The following PTCSC3 variants were observed in gnomAD, a reference collection of about 807,000 sequenced individuals.
PTCSC3 encodes papillary thyroid carcinoma susceptibility candidate 3 (non-protein coding).
chr14:36,160,144 G>A (rs779869915), intron 2 of PTCSC3, among the ~76,000 whole-genome samples: 1 of 152,118 alleles, frequency 6.6e-6, no homozygotes, highest in South Asian at 2.1e-4. Context: ...TGAGTCTCCT[G>A]AATACAGCAC....
At chr14:36,154,992 CA>C (rs1338741267) in intron 2 of PTCSC3, among the ~76,000 whole-genome samples, 1 of 152,118 alleles carries the variant, frequency 6.6e-6, no homozygotes, top group East Asian at 1.9e-4. Context: ...AATGAGAAAA[CA>C]GTGCCCTGAT....
chr14:36,148,728 G>A (rs1193053127), intron 3 of PTCSC3, among the ~76,000 whole-genome samples: 1 of 152,048 alleles, frequency 6.6e-6, no homozygotes, highest in Non-Finnish European at 1.5e-5. Flanking sequence ...CTATTCAGAT[G>A]GTCTATTTCT....
At chr14:36,170,093 C>A (rs561264007) in intron 1 of PTCSC3, among the ~76,000 whole-genome samples, 1 of 152,116 alleles carries the variant, frequency 6.6e-6, no homozygotes, top group African/African-American at 2.4e-5. Flanking sequence ...TTTTCTGATG[C>A]TGGGAGAGGG....
At chr14:36,141,580 T>C (rs1229256571) in intron 3 of PTCSC3, among the ~76,000 whole-genome samples, 2 of 152,118 alleles carry the variant, frequency 1.3e-5, no homozygotes, top group African/African-American at 4.8e-5. Context: ...CTCGAACTCC[T>C]AACATCAGGT....
intron 3 of PTCSC3, among the ~76,000 whole-genome samples, chr14:36,140,104 C>T (rs1031295869): frequency 4.6e-5 from 7 of 152,220 alleles, no homozygotes; most frequent in Admixed American, 3.9e-4. Context: ...ACTTTTCAGA[C>T]TGGAATCTTT....
At chr14:36,153,369 A>G (rs893169206) in intron 3 of PTCSC3, among the ~76,000 whole-genome samples, 2 of 152,242 alleles carry the variant, frequency 1.3e-5, no homozygotes, top group African/African-American at 2.4e-5. Context: ...CTATGAAAAC[A>G]TTAGCCGTGA....
chr14:36,136,588 A>G (rs1177841716), intron 3 of PTCSC3, among the ~76,000 whole-genome samples: 3 of 152,164 alleles, frequency 2.0e-5, no homozygotes, highest in African/African-American at 7.2e-5. Flanking sequence ...GAATGGAAGT[A>G]TGAGGAAGGG....
intron 3 of PTCSC3, among the ~76,000 whole-genome samples, chr14:36,153,352 A>C (rs1301770404): frequency 1.3e-5 from 2 of 152,226 alleles, no homozygotes. Flanking sequence ...CCAAATAGCC[A>C]TTGAGCCTAT....
At chr14:36,141,129 G>A (rs1230208627) in intron 3 of PTCSC3, among the ~76,000 whole-genome samples, 5 of 152,096 alleles carry the variant, frequency 3.3e-5, no homozygotes, top group Admixed American at 2.6e-4. Context: ...ACATCATCTT[G>A]ATAATTGTAG....
chr14:36,160,244 T>A (rs2139105414), intron 2 of PTCSC3, among the ~76,000 whole-genome samples: 1 of 152,340 alleles, frequency 6.6e-6, no homozygotes, highest in Middle Eastern at 3.4e-3. Context: ...TTAATATTGT[T>A]ATGTGTGAAT....
At chr14:36,176,074 A>T (rs143873233) in intron 1 of PTCSC3, among the ~76,000 whole-genome samples, 14 of 152,328 alleles carry the variant, frequency 9.2e-5, no homozygotes, top group African/African-American at 3.4e-4. Flanking sequence ...AGAAAACGAT[A>T]CAAATACATA....
intron 3 of PTCSC3, among the ~76,000 whole-genome samples, chr14:36,141,664 T>C (rs1881425177): frequency 6.6e-6 from 1 of 152,014 alleles, no homozygotes; most frequent in African/African-American, 2.4e-5. Flanking sequence ...GAGTTATATA[T>C]TTTATCTATA....
chr14:36,143,041 T>G (rs1881463520), intron 3 of PTCSC3, among the ~76,000 whole-genome samples: 1 of 152,154 alleles, frequency 6.6e-6, no homozygotes, highest in South Asian at 2.1e-4. Flanking sequence ...CCACATTTTC[T>G]TAATCCAGTC....
At chr14:36,165,809 G>C (rs1428452568) in intron 1 of PTCSC3, among the ~76,000 whole-genome samples, 1 of 149,664 alleles carries the variant, frequency 6.7e-6, no homozygotes, top group Non-Finnish European at 1.5e-5. Context: ...TAGGGCAGTA[G>C]AAGAAGCCGT....
At chr14:36,163,262 G>A (rs1271233127) in intron 1 of PTCSC3, among the ~76,000 whole-genome samples, 1 of 151,738 alleles carries the variant, frequency 6.6e-6, no homozygotes, top group African/African-American at 2.4e-5. Flanking sequence ...GCATAAATGG[G>A]GAGAAATTAA....
At chr14:36,157,559 C>CT (rs965489437) in intron 2 of PTCSC3, among the ~76,000 whole-genome samples, 1 of 151,952 alleles carries the variant, frequency 6.6e-6, no homozygotes, top group African/African-American at 2.4e-5. Flanking sequence ...TTTAATTCAT[C>CT]TTTTTTGTAT....
At chr14:36,137,079 A>C (rs1453730324) in intron 3 of PTCSC3, among the ~76,000 whole-genome samples, 1 of 152,194 alleles carries the variant, frequency 6.6e-6, no homozygotes, top group East Asian at 1.9e-4. Flanking sequence ...AACAAGGTAG[A>C]AAATGGATGG....
chr14:36,146,627 C>G (rs1319307539), intron 3 of PTCSC3, among the ~76,000 whole-genome samples: 1 of 152,230 alleles, frequency 6.6e-6, no homozygotes, highest in Non-Finnish European at 1.5e-5. Context: ...ATTTGCCAGT[C>G]TGTGTGTTTT....
At chr14:36,142,807 C>G (rs1255348747) in intron 3 of PTCSC3, among the ~76,000 whole-genome samples, 4 of 117,262 alleles carry the variant, frequency 3.4e-5, no homozygotes, top group African/African-American at 1.3e-4. Context: ...TCCCTCCCCC[C>G]TCCCCCCACC....
Sources: gnomAD v4.1 joint callset for allele counts (sites outside exome capture counted in the v4.1 genomes callset) on GRCh38, gnomAD v4.1.1 for gene constraint, MANE v1.5 for transcripts, NCBI Gene and HGNC (gene_info 2026-07-23, HGNC 2026-07-21) for gene names.